Variants in ANO3 observed in about 807,000 individuals in gnomAD.
ANO3 encodes anoctamin-3.
ANO3 carries 99 observed loss-of-function variants against 144.8 expected under a neutral mutation model. That is an observed-to-expected ratio of 0.68 (90% CI 0.58 to 0.81). The LOEUF is 0.81. Among genes scored for constraint, ANO3 ranks in the 30% least tolerant of loss-of-function variants. ANO3 has a pLI of 0.00. For missense variants in ANO3, 905 were observed against 1,202.2 expected (o/e 0.75, Z 3.66); for synonymous variants, 414 against 392.6 (o/e 1.05, Z -0.64).
intron 1 of ANO3, among the ~76,000 whole-genome samples, chr11:26,265,958 C>T (rs1438243639): frequency 6.6e-6 from 1 of 152,176 alleles, no homozygotes; most frequent in Non-Finnish European, 1.5e-5. Context: ...ACTTCACAAG[C>T]TACACAATGA....
intron 1 of ANO3, among the ~76,000 whole-genome samples, chr11:26,373,036 T>C (rs970318805): frequency 4.6e-5 from 7 of 152,210 alleles, no homozygotes; most frequent in Admixed American, 3.9e-4. Flanking sequence ...ATTGGTTTAT[T>C]CTGTTCATTA....
chr11:26,634,152 C>G, intron 18 of ANO3, 52 bp from the exon 19 acceptor site: 1 of 1,091,164 alleles, frequency 9.2e-7, no homozygotes, highest in Non-Finnish European at 1.4e-6. Flanking sequence ...TGTCCAGAGT[C>G]TTGATATTCA....
chr11:26,490,686 C>T (rs189872460), intron 4 of ANO3, among the ~76,000 whole-genome samples: 75 of 152,292 alleles, frequency 4.9e-4, no homozygotes, highest in Non-Finnish European at 4.0e-4. Flanking sequence ...ACCACAACTC[C>T]ATCAGATAGT....
At chr11:26,203,256 A>G (rs2133914146) in intron 1 of ANO3, among the ~76,000 whole-genome samples, 1 of 152,292 alleles carries the variant, frequency 6.6e-6, no homozygotes, top group South Asian at 2.1e-4. Context: ...TAGAAAGTAC[A>G]GAAATAATAT....
intron 26 of ANO3, among the ~76,000 whole-genome samples, chr11:26,659,249 A>C (rs1853802041): frequency 6.6e-6 from 1 of 152,198 alleles, no homozygotes; most frequent in African/African-American, 2.4e-5. Context: ...CACAGAATAT[A>C]GGTGATTTGC....
chr11:26,202,915 A>G (rs1303727793), intron 1 of ANO3, among the ~76,000 whole-genome samples: 2 of 152,060 alleles, frequency 1.3e-5, no homozygotes, highest in African/African-American at 4.8e-5. Context: ...CAAGCGTAAC[A>G]CCTGGCCATA....
At chr11:26,449,157 G>A (rs971910268) in intron 3 of ANO3, among the ~76,000 whole-genome samples, 11 of 152,000 alleles carry the variant, frequency 7.2e-5, no homozygotes, top group African/African-American at 2.7e-4. Flanking sequence ...CAACCATCTT[G>A]TGTTCCTTGT....
chr11:26,238,825 A>G lies in ANO3; in HGVS notation c.154+49495A>G, dbSNP rs190383179. On this transcript the variant is annotated intron_variant, in intron 1 of 27. Transcript: ENST00000672621. ...TACTTGTTGCCTAATAATTCATTAT[A>G]TATGGGTTTCAGAACATATTTAATT... Among the ~76,000 whole-genome samples the G allele has an allele frequency of 1.6e-3, 243 of 152,174 alleles. 3 individuals carry two copies. Among genetic ancestry groups the G allele is most frequent in the East Asian group, 1.9e-4 (1 of 5,192 alleles).
chr11:26,516,541 A>G (rs1861871155), intron 5 of ANO3, among the ~76,000 whole-genome samples: 1 of 151,942 alleles, frequency 6.6e-6, no homozygotes, highest in South Asian at 2.1e-4. Flanking sequence ...TAATTGGCTC[A>G]TGATTGATTG....
intron 17 of ANO3, among the ~76,000 whole-genome samples, chr11:26,622,894 G>T (rs1852462253): frequency 6.6e-6 from 1 of 152,168 alleles, no homozygotes; most frequent in South Asian, 2.1e-4. Flanking sequence ...CCCCACAAAG[G>T]CACTCAACTC....
chr11:26,189,061 C>T, exon 1 of ANO3: 1 of 321,260 alleles, frequency 3.1e-6, no homozygotes, highest in Non-Finnish European at 4.5e-6. Context: ...AAAATAATTA[C>T]AGGAAAGCCT....
intron 6 of ANO3, among the ~76,000 whole-genome samples, chr11:26,524,005 A>G (rs1419274754): frequency 6.6e-6 from 1 of 152,174 alleles, no homozygotes; most frequent in Non-Finnish European, 1.5e-5. Flanking sequence ...TTTGAAAAAA[A>G]TACTGTATTT....
At chr11:26,461,595 T>G (rs1312847517) in intron 3 of ANO3, among the ~76,000 whole-genome samples, 1 of 152,106 alleles carries the variant, frequency 6.6e-6, no homozygotes, top group East Asian at 1.9e-4. Flanking sequence ...TGTCAACTTG[T>G]AAAAGAGTAT....
At chr11:26,230,095 C>T (rs1416338587) in intron 1 of ANO3, among the ~76,000 whole-genome samples, 1 of 152,172 alleles carries the variant, frequency 6.6e-6, no homozygotes, top group Non-Finnish European at 1.5e-5. Flanking sequence ...TAAAAAACTT[C>T]AGCCTTCTAA....
chr11:26,261,931 C>A (rs965309689), intron 1 of ANO3, among the ~76,000 whole-genome samples: 1 of 152,162 alleles, frequency 6.6e-6, no homozygotes, highest in Non-Finnish European at 1.5e-5. Context: ...AGCTGACCAC[C>A]AGCACCAGCT....
intron 1 of ANO3, among the ~76,000 whole-genome samples, chr11:26,288,396 T>C (rs1169589340): frequency 6.6e-6 from 1 of 152,234 alleles, no homozygotes; most frequent in Non-Finnish European, 1.5e-5. Context: ...ATTTTCCTTG[T>C]TGTTGTTGTT....
intron 1 of ANO3, among the ~76,000 whole-genome samples, chr11:26,274,212 A>G (rs571294574): frequency 6.6e-6 from 1 of 152,326 alleles, no homozygotes; most frequent in South Asian, 2.1e-4. Flanking sequence ...ATACAAATAT[A>G]AAACATACAA....
Position 26,458,645 on chromosome 11 carries a change from G to A in ANO3, c.314-4385G>A, listed in dbSNP as rs1444705127. Among the ~76,000 whole-genome samples, 5 of 152,094 alleles carry A rather than the reference G, an allele frequency of 3.3e-5. No individual in the cohort carries two copies. In the East Asian group the frequency reaches 7.8e-4, roughly 24 times the overall value. On this transcript the variant is annotated intron_variant, in intron 3 of 26. Coordinates refer to ENST00000256737, the MANE Select transcript of ANO3 (RefSeq NM_031418.4). ...TTGCCAGTCTGCAAAGCAATTTAAT[G>A]GATGCAAAATATTCCCATATATAAG...
chr11:26,586,198 A>T (rs1387432916), intron 14 of ANO3, among the ~76,000 whole-genome samples: 1 of 152,096 alleles, frequency 6.6e-6, no homozygotes, highest in Non-Finnish European at 1.5e-5. Flanking sequence ...ATTTTGACTT[A>T]ATTGGTCTAA....
Sources: gnomAD v4.1 joint callset for allele counts (sites outside exome capture counted in the v4.1 genomes callset) on GRCh38, gnomAD v4.1.1 for gene constraint, MANE v1.5 for transcripts, NCBI Gene and HGNC (gene_info 2026-07-23, HGNC 2026-07-21) for gene names.